FAM193A: variants seen among roughly 807,000 people sequenced by gnomAD.
FAM193A encodes the protein family with sequence similarity 193 member A, also known as protein FAM193A.
Under a neutral mutation model 126.5 loss-of-function variants are expected in FAM193A, and 22 were observed. The ratio of observed to expected loss-of-function variants is 0.17; its 90% CI spans 0.12 to 0.25. The LOEUF is 0.25. Ranked by LOEUF, FAM193A falls within the 10% of genes least tolerant of loss-of-function variation. The pLI is 1.00. For missense variants in FAM193A, 1,675 were observed against 1,672.8 expected (o/e 1.00, Z -0.02); for synonymous variants, 761 against 646.8 (o/e 1.18, Z -2.68).
At chr4:2,719,941 C>G in intron 20 of FAM193A, 1 of 310,944 alleles carries the variant, frequency 3.2e-6, no homozygotes, top group Non-Finnish European at 6.6e-6. Flanking sequence ...CAGGCACATG[C>G]ACCATGCCTG....
chr4:2,608,208 G>C lies in FAM193A; in HGVS notation c.501+11879G>C, dbSNP rs185511836. 1.9e-3 allele frequency: 2,531 copies of C among 1,317,138 alleles called. 8 individuals carry two copies. Among genetic ancestry groups the C allele is most frequent in the Non-Finnish European group, 2.4e-3 (2,286 of 940,782 alleles). 81.6% of individuals were successfully genotyped at this position (1,317,138 alleles called of 1,614,324 possible). ...CATTTTTCTTTTCTGTTTTCGAGAC[G>C]GTCGGTCTCGCCCAGTATGGAGTGC... On this transcript the variant is annotated intron_variant, in intron 2 of 20. Coordinates refer to ENST00000637812, the MANE Select transcript of FAM193A (RefSeq NM_001366318.2).
chr4:2,619,444 A>G (rs967575886), intron 2 of FAM193A, among the ~76,000 whole-genome samples: 20 of 151,900 alleles, frequency 1.3e-4, no homozygotes, highest in African/African-American at 4.6e-4. Context: ...CTGGGATTAC[A>G]GGCACGTGCC....
intron 8 of FAM193A, 29 bp from the exon 9 acceptor site, chr4:2,659,529 A>G (rs1236464157): frequency 1.3e-6 from 2 of 1,495,678 alleles, no homozygotes; most frequent in Admixed American, 1.7e-5. Flanking sequence ...GGGTCTTGCA[A>G]GATTAAAGCA....
At chr4:2,688,034 C>T (rs1715940718) in intron 13 of FAM193A, among the ~76,000 whole-genome samples, 1 of 152,162 alleles carries the variant, frequency 6.6e-6, no homozygotes, top group African/African-American at 2.4e-5. Context: ...TTAAAGAATT[C>T]ACTACTCATT....
At chr4:2,538,672 C>A (rs548535125) in intron 1 of FAM193A, among the ~76,000 whole-genome samples, 1 of 16,286 alleles carries the variant, frequency 6.1e-5, no homozygotes, top group Non-Finnish European at 1.1e-4. Context: ...TTGCTGCTGT[C>A]GGGTAGGGGA....
intron 1 of FAM193A, among the ~76,000 whole-genome samples, chr4:2,594,820 CTTTTTTTTT>C (rs386399069): frequency 1.7e-3 from 104 of 62,228 alleles, no homozygotes; most frequent in African/African-American, 7.2e-3. Flanking sequence ...TTTTCTTTTC[CTTTTTTTTT>C]TTTTTTTTTT....
chr4:2,708,733 A>G (rs528120549), intron 19 of FAM193A, among the ~76,000 whole-genome samples: 3 of 152,096 alleles, frequency 2.0e-5, no homozygotes, highest in Non-Finnish European at 4.4e-5. Flanking sequence ...AAAGTGCTGG[A>G]ATTAACAGGT....
chr4:2,604,827 T>G (rs1265604465), intron 2 of FAM193A, among the ~76,000 whole-genome samples: 1 of 136,924 alleles, frequency 7.3e-6, no homozygotes, highest in Non-Finnish European at 1.5e-5. Flanking sequence ...TGGCAAGGCC[T>G]CTCTCTGTCA....
chr4:2,583,002 CTT>C (rs914452970), intron 1 of FAM193A, among the ~76,000 whole-genome samples: 1 of 152,106 alleles, frequency 6.6e-6, no homozygotes, highest in Non-Finnish European at 1.5e-5. Context: ...GAGTTTTGCT[CTT>C]GTCTCCCAGG....
chr4:2,686,761 G>C (rs535034512), intron 13 of FAM193A, among the ~76,000 whole-genome samples: 3 of 152,250 alleles, frequency 2.0e-5, no homozygotes, highest in Admixed American at 2.0e-4. Flanking sequence ...TACCAGCTGG[G>C]CCGGCACAAT....
intron 2 of FAM193A, among the ~76,000 whole-genome samples, chr4:2,596,691 T>C (rs1232563023): frequency 6.6e-6 from 1 of 152,250 alleles, no homozygotes; most frequent in Non-Finnish European, 1.5e-5. Flanking sequence ...CTTTACGCGA[T>C]GCTCTTAAGC....
chr4:2,640,276 C>A (rs16843178), intron 6 of FAM193A, among the ~76,000 whole-genome samples: 9 of 152,096 alleles, frequency 5.9e-5, no homozygotes, highest in African/African-American at 1.7e-4. Context: ...CCACACATTC[C>A]GTTGCTACCC....
chr4:2,652,883 C>T (rs981411164), intron 7 of FAM193A, among the ~76,000 whole-genome samples: 12 of 152,178 alleles, frequency 7.9e-5, no homozygotes, highest in Non-Finnish European at 1.6e-4. Context: ...GAAGATGAAC[C>T]GTTACCGAGT....
intron 6 of FAM193A, among the ~76,000 whole-genome samples, chr4:2,641,371 A>G (rs1160435586): frequency 2.6e-5 from 4 of 151,912 alleles, no homozygotes; most frequent in Admixed American, 2.6e-4. Context: ...TAAAATCCGT[A>G]TATTAGGACT....
At chr4:2,656,905 G>A (rs1021094418) in intron 7 of FAM193A, among the ~76,000 whole-genome samples, 9 of 152,170 alleles carry the variant, frequency 5.9e-5, no homozygotes, top group African/African-American at 2.2e-4. Context: ...AGTGGCTCAC[G>A]CTTATAATCC....
intron 1 of FAM193A, among the ~76,000 whole-genome samples, chr4:2,594,946 A>T (rs1043356368): frequency 6.8e-6 from 1 of 146,230 alleles, no homozygotes; most frequent in African/African-American, 2.5e-5. Context: ...CTCCTGCGTC[A>T]GCCTCCTGAG....
intron 1 of FAM193A, among the ~76,000 whole-genome samples, chr4:2,589,967 T>G (rs1046969086): frequency 4.6e-5 from 7 of 150,756 alleles, no homozygotes; most frequent in African/African-American, 1.5e-4. Context: ...AAACCGCATC[T>G]CTACTAAAAA....
intron 1 of FAM193A, among the ~76,000 whole-genome samples, chr4:2,594,027 C>G (rs1046379928): frequency 2.0e-5 from 3 of 152,112 alleles, no homozygotes; most frequent in Non-Finnish European, 4.4e-5. Flanking sequence ...CCCAAACATT[C>G]AGCTCAGGAT....
intron 2 of FAM193A, among the ~76,000 whole-genome samples, chr4:2,611,063 A>G (rs1311425792): frequency 6.6e-6 from 1 of 151,642 alleles, no homozygotes; most frequent in Non-Finnish European, 1.5e-5. Context: ...AGTGGATGCA[A>G]TTTACTTCTC....
Sources: gnomAD v4.1 joint callset for allele counts (sites outside exome capture counted in the v4.1 genomes callset) on GRCh38, gnomAD v4.1.1 for gene constraint, MANE v1.5 for transcripts, NCBI Gene and HGNC (gene_info 2026-07-23, HGNC 2026-07-21) for gene names.